The following GPHN variants were observed in gnomAD, a reference collection of about 807,000 sequenced individuals.
GPHN encodes gephyrin.
A neutral mutation model predicts 95.5 loss-of-function variants in GPHN; 17 were observed. The ratio of observed to expected loss-of-function variants is 0.18; its 90% confidence interval spans 0.12 to 0.27. GPHN has a LOEUF of 0.27. Ranked by LOEUF, GPHN falls within the 10% of genes least tolerant of loss-of-function variation. The probability of loss-of-function intolerance (pLI) is 1.00; values close to 1 mark genes in which losing one functional copy is unlikely to be tolerated. For missense variants in GPHN, 660 were observed against 978.1 expected (o/e 0.67, Z 4.34); for synonymous variants, 320 against 322.5 (o/e 0.99, Z 0.08).
the GPHN span, among the ~76,000 whole-genome samples, chr14:67,273,117 C>CT: frequency 8.4e-4 from 120 of 143,042 alleles, no homozygotes; most frequent in Middle Eastern, 7.1e-3. Context: ...ATATTTCTTT[C>CT]TTTTTTTTTT....
chr14:67,175,686 G>A (rs1413636486), intron 21 of GPHN, among the ~76,000 whole-genome samples: 1 of 152,070 alleles, frequency 6.6e-6, no homozygotes, highest in Non-Finnish European at 1.5e-5. Context: ...CCATTTTCAT[G>A]ATATTGATTC....
the GPHN span, chr14:67,646,610 C>A: frequency 2.0e-6 from 3 of 1,517,632 alleles, no homozygotes; most frequent in Non-Finnish European, 2.7e-6. Flanking sequence ...AACAAGAATT[C>A]TTGATTAATC....
At chr14:66,775,949 A>G (rs557517828) in intron 2 of GPHN, among the ~76,000 whole-genome samples, 3 of 152,274 alleles carry the variant, frequency 2.0e-5, no homozygotes, top group Non-Finnish European at 4.4e-5. Context: ...AGCAGAATCA[A>G]TGTTCGTTCA....
chr14:67,714,279 G>A, the GPHN span, among the ~76,000 whole-genome samples: 1 of 152,094 alleles, frequency 6.6e-6, no homozygotes, highest in African/African-American at 2.4e-5. Context: ...GGGACTGTAG[G>A]AGTGCACTCC....
At chr14:66,751,597 T>C (rs1244379771) in intron 2 of GPHN, among the ~76,000 whole-genome samples, 1 of 152,156 alleles carries the variant, frequency 6.6e-6, no homozygotes, top group East Asian at 1.9e-4. Context: ...ACTAGACTTT[T>C]GTCAGATGCA....
chr14:66,776,080 CT>C, intron 2 of GPHN, among the ~76,000 whole-genome samples: 1 of 152,196 alleles, frequency 6.6e-6, no homozygotes, highest in East Asian at 1.9e-4. Flanking sequence ...TTCTGTAAAC[CT>C]AAAGCTACTA....
intron 1 of GPHN, among the ~76,000 whole-genome samples, chr14:66,624,521 G>A (rs551701580): frequency 1.4e-4 from 22 of 152,134 alleles, no homozygotes; most frequent in Non-Finnish European, 2.8e-4. Flanking sequence ...GTGTCCACTG[G>A]GTGGCAGCCA....
chr14:67,538,561 A>G, the GPHN span, among the ~76,000 whole-genome samples: 27 of 152,174 alleles, frequency 1.8e-4, no homozygotes, highest in African/African-American at 6.5e-4. Flanking sequence ...GCTTACTGGT[A>G]TCTTCCTTTA....
Position 66,804,782 on chromosome 14 carries a change from C to T in GPHN, c.202-19692C>T, listed in dbSNP as rs182705961. Among the ~76,000 whole-genome samples the T allele has an allele frequency of 3.7e-3, 561 of 152,240 alleles. 8 individuals carry two copies. The highest frequency in any genetic ancestry group is 0.019 in the Admixed American group (297 of 15,290). On this transcript the variant is annotated intron_variant, in intron 3 of 22. Coordinates refer to ENST00000478722, the MANE Select transcript of GPHN (RefSeq NM_020806.5). The stretch of plus-strand genomic sequence containing the variant: ...AATTATCTGATATCTTTAAAAGCAG[C>T]ATTTTTATAATTATGTGATGTTTTC...
intron 13 of GPHN, among the ~76,000 whole-genome samples, chr14:67,103,349 T>C (rs1178221799): frequency 6.6e-6 from 1 of 152,142 alleles, no homozygotes; most frequent in Admixed American, 6.5e-5. Flanking sequence ...TTGGAGTCTC[T>C]TGTGGTTTCA....
At chr14:67,540,291 T>C in the GPHN span, among the ~76,000 whole-genome samples, 94,669 of 151,932 alleles carry the variant, frequency 0.62, 29,733 homozygotes, top group Non-Finnish European at 0.66. Context: ...TATTATATTA[T>C]TTCACCTGTA....
chr14:67,318,919 G>A, the GPHN span, among the ~76,000 whole-genome samples: 1 of 152,102 alleles, frequency 6.6e-6, no homozygotes, highest in East Asian at 1.9e-4. Context: ...TTAGCCAGGC[G>A]TGATGGCGGG....
At chr14:67,608,947 C>T in the GPHN span, among the ~76,000 whole-genome samples, 180 of 152,320 alleles carry the variant, frequency 1.2e-3, 2 homozygotes, top group African/African-American at 4.2e-3. Context: ...TTTCCCCATA[C>T]ACCAAGAAAG....
At chr14:67,652,874 A>G in the GPHN span, among the ~76,000 whole-genome samples, 18 of 151,748 alleles carry the variant, frequency 1.2e-4, no homozygotes, top group South Asian at 2.5e-3. Flanking sequence ...GCTCACTGCA[A>G]CCTCCACCCC....
chr14:67,345,716 T>G, the GPHN span: 1 of 1,287,714 alleles, frequency 7.8e-7, no homozygotes, highest in Non-Finnish European at 1.1e-6. Context: ...TCTCCTCCAC[T>G]TGACTGTTAC....
At chr14:67,287,052 C>G in the GPHN span, among the ~76,000 whole-genome samples, 1 of 151,738 alleles carries the variant, frequency 6.6e-6, no homozygotes, top group Non-Finnish European at 1.5e-5. Flanking sequence ...CTTGTCTCTA[C>G]AAAAAATACA....
At chr14:66,539,203 GT>G (rs1439448421) in intron 1 of GPHN, among the ~76,000 whole-genome samples, 5 of 151,606 alleles carry the variant, frequency 3.3e-5, no homozygotes, top group Non-Finnish European at 5.9e-5. Context: ...TCTGTCATGT[GT>G]TTTTTGCGGT....
chr14:67,338,527 C>A, the GPHN span: 2 of 1,343,088 alleles, frequency 1.5e-6, no homozygotes, highest in Non-Finnish European at 2.0e-6. Context: ...AATTCTTAGG[C>A]CAAAAAATAA....
chr14:67,678,219 CTT>C, the GPHN span: 8 of 793,732 alleles, frequency 1.0e-5, no homozygotes, highest in Non-Finnish European at 1.1e-5. Flanking sequence ...GTTTTGCTCT[CTT>C]TGTGCTAAAG....
Sources: allele counts gnomAD v4.1 joint callset (sites outside exome capture counted in the v4.1 genomes callset), GRCh38; gene constraint gnomAD v4.1.1; transcripts MANE v1.5; gene names NCBI Gene and HGNC (gene_info 2026-07-23, HGNC 2026-07-21).